The following LINGO2 variants were observed in gnomAD, a reference collection of about 807,000 sequenced individuals.
LINGO2 encodes leucine rich repeat and Ig domain containing 2.
Under a neutral mutation model 30.6 loss-of-function variants are expected in LINGO2, and 14 were observed. The observed-to-expected ratio is 0.46, with a 90% confidence interval of 0.30 to 0.72. The LOEUF (loss-of-function observed/expected upper bound fraction) is 0.72, where lower values mean the gene tolerates loss of function less well. Among genes scored for constraint, LINGO2 ranks in the 30% least tolerant of loss-of-function variants. The pLI is 0.07. For synonymous variants in LINGO2, 317 were observed against 288.5 expected (o/e 1.10, Z -1.00); for missense variants, 729 against 751.7 (o/e 0.97, Z 0.35).
At chr9:28,785,035 T>C in the LINGO2 span, among the ~76,000 whole-genome samples, 1 of 151,880 alleles carries the variant, frequency 6.6e-6, no homozygotes, top group Non-Finnish European at 1.5e-5. Context: ...ATAATGTGGA[T>C]TGTTCTACAT....
intron 2 of LINGO2, among the ~76,000 whole-genome samples, chr9:28,415,000 A>C (rs1482028949): frequency 6.6e-6 from 1 of 152,154 alleles, no homozygotes; most frequent in African/African-American, 2.4e-5. Flanking sequence ...AAAAGATAAC[A>C]TTGTAGAAAA....
At chr9:28,169,240 T>G (rs965699756) in intron 4 of LINGO2, among the ~76,000 whole-genome samples, 1 of 152,324 alleles carries the variant, frequency 6.6e-6, no homozygotes, top group East Asian at 1.9e-4. Context: ...CAAAAACACA[T>G]GATCAAACTC....
chr9:28,748,462 T>A, the LINGO2 span, among the ~76,000 whole-genome samples: 1 of 151,996 alleles, frequency 6.6e-6, no homozygotes, highest in African/African-American at 2.4e-5. Context: ...AAATGACACA[T>A]CAAAACAACT....
chr9:28,267,326 T>G (rs561659758), intron 4 of LINGO2, among the ~76,000 whole-genome samples: 3 of 152,054 alleles, frequency 2.0e-5, no homozygotes, highest in Admixed American at 1.3e-4. Context: ...ATCTTACACA[T>G]AGCTGCCAAA....
At chr9:29,025,808 C>T in the LINGO2 span, among the ~76,000 whole-genome samples, 1 of 152,092 alleles carries the variant, frequency 6.6e-6, no homozygotes, top group East Asian at 1.9e-4. Flanking sequence ...CCCCCCTCTA[C>T]CCTTAACCAC....
chr9:28,350,853 A>C (rs1296225301), intron 3 of LINGO2, among the ~76,000 whole-genome samples: 1 of 151,934 alleles, frequency 6.6e-6, no homozygotes, highest in Non-Finnish European at 1.5e-5. Flanking sequence ...TCTCACTCAA[A>C]ACCGCTCAAA....
At chr9:28,551,459 G>A (rs972854810) in intron 1 of LINGO2, among the ~76,000 whole-genome samples, 5 of 151,886 alleles carry the variant, frequency 3.3e-5, no homozygotes, top group African/African-American at 1.2e-4. Flanking sequence ...TTTAATAGAG[G>A]TAGGGTTTTA....
At chr9:29,197,409 C>G in the LINGO2 span, among the ~76,000 whole-genome samples, 1 of 151,990 alleles carries the variant, frequency 6.6e-6, no homozygotes, top group East Asian at 1.9e-4. Context: ...TTCTGATCAT[C>G]AACTTGGCGT....
chr9:28,670,101 A>G (rs1289877915), intron 1 of LINGO2, 99 bp downstream of exon 3: 1 of 152,052 alleles, frequency 6.6e-6, no homozygotes, highest in African/African-American at 2.4e-5. Flanking sequence ...GATTAAATAA[A>G]ATTATCCACT....
At chr9:28,858,557 G>A in the LINGO2 span, among the ~76,000 whole-genome samples, 12 of 151,824 alleles carry the variant, frequency 7.9e-5, no homozygotes, top group Non-Finnish European at 1.6e-4. Context: ...TCCCCCCGTC[G>A]CAGCTCTAAA....
chr9:28,987,981 T>A, the LINGO2 span, among the ~76,000 whole-genome samples: 1 of 152,298 alleles, frequency 6.6e-6, no homozygotes. Flanking sequence ...GTTTTAGGTT[T>A]GCCTTAGAAG....
chr9:29,062,950 C>T, the LINGO2 span, among the ~76,000 whole-genome samples: 4 of 152,090 alleles, frequency 2.6e-5, no homozygotes, highest in African/African-American at 9.7e-5. Context: ...AACCAAAGAC[C>T]AGATTACGTT....
chr9:28,299,739 T>G (rs1824065186), intron 3 of LINGO2, among the ~76,000 whole-genome samples: 1 of 152,146 alleles, frequency 6.6e-6, no homozygotes, highest in African/African-American at 2.4e-5. Flanking sequence ...TGTACCGTAT[T>G]AACTCAATTA....
intron 2 of LINGO2, among the ~76,000 whole-genome samples, chr9:28,433,950 T>TCTCTCTCTCTCTCTCTCTCTAC (rs1823804567): frequency 2.5e-5 from 1 of 39,866 alleles, no homozygotes; most frequent in Admixed American, 3.4e-4. Flanking sequence ...TCTCTCTCTC[T>TCTCTCTCTCTCTCTCTCTCTAC]ATATATATAT....
intron 2 of LINGO2, among the ~76,000 whole-genome samples, chr9:28,469,486 T>C (rs62557760): frequency 0.01 from 1,550 of 152,098 alleles, 19 homozygotes; most frequent in Non-Finnish European, 0.014. Flanking sequence ...AAATTCCAAG[T>C]AGAATAAAGA....
intron 1 of LINGO2, among the ~76,000 whole-genome samples, chr9:28,569,319 G>A (rs1212710319): frequency 6.6e-6 from 1 of 151,856 alleles, no homozygotes; most frequent in Non-Finnish European, 1.5e-5. Context: ...TCAGTATCTT[G>A]AAGAGATAGT....
At chr9:28,572,553 G>A (rs1413053946) in intron 1 of LINGO2, among the ~76,000 whole-genome samples, 1 of 152,114 alleles carries the variant, frequency 6.6e-6, no homozygotes, top group African/African-American at 2.4e-5. Context: ...TAAAGCACAA[G>A]CAATTGGTGT....
At chr9:29,074,601 C>G in the LINGO2 span, among the ~76,000 whole-genome samples, 1 of 151,242 alleles carries the variant, frequency 6.6e-6, no homozygotes, top group Non-Finnish European at 1.5e-5. Flanking sequence ...TAGCATGTAT[C>G]AGATTTCATC....
At chr9:29,071,877 G>C in the LINGO2 span, among the ~76,000 whole-genome samples, 27 of 151,966 alleles carry the variant, frequency 1.8e-4, no homozygotes, top group African/African-American at 2.4e-4. Context: ...GACTTAGGTA[G>C]GATAAAAGAG....
Sources: gnomAD v4.1 joint callset for allele counts (sites outside exome capture counted in the v4.1 genomes callset) on GRCh38, gnomAD v4.1.1 for gene constraint, MANE v1.5 for transcripts, NCBI Gene and HGNC (gene_info 2026-07-23, HGNC 2026-07-21) for gene names.